Variants in NPC1 observed in about 807,000 individuals in gnomAD.
NPC1 encodes the protein NPC intracellular cholesterol transporter 1.
A neutral mutation model predicts 140.4 loss-of-function variants in NPC1; 85 were observed. That is an observed-to-expected ratio of 0.61 (90% confidence interval 0.51 to 0.72). The LOEUF (loss-of-function observed/expected upper bound fraction) is 0.72, where lower values mean the gene tolerates loss of function less well. Among genes scored for constraint, NPC1 ranks in the 30% least tolerant of loss-of-function variants. The probability of loss-of-function intolerance (pLI) is 0.00; values close to 1 mark genes in which losing one functional copy is unlikely to be tolerated. For missense variants in NPC1, 1,504 were observed against 1,623.8 expected (o/e 0.93, Z 1.27); for synonymous variants, 656 against 624.8 (o/e 1.05, Z -0.74).
chr18:23,543,474 C>T lies in NPC1; in HGVS notation c.2226G>A (p.Glu742=). Reference sequence around the variant, plus strand: ...AATTACCTAAGAAAAATGCTACAGTCTCAGAAAAGGATGACAGGAACATAC... The same window carrying T: ...AATTACCTAAGAAAAATGCTACAGTTTCAGAAAAGGATGACAGGAACATAC... ...APSMFLSSFS[E]TVAFFLGALS... The change falls in exon 14 of 25, where the codon GAG becomes GAA. Residue 742 remains glutamate (E), a synonymous_variant. Coordinates refer to ENST00000269228, the MANE Select transcript of NPC1 (RefSeq NM_000271.5). 1 of 1,606,512 alleles carries T rather than the reference C, an allele frequency of 6.2e-7. No homozygotes were observed. The highest frequency in any genetic ancestry group is 8.5e-7 in the Non-Finnish European group (1 of 1,173,854).
intron 6 of NPC1, among the ~76,000 whole-genome samples, 191 bp downstream of exon 6, chr18:23,560,040 G>C (rs1185366827): frequency 6.6e-6 from 1 of 152,098 alleles, no homozygotes; most frequent in Non-Finnish European, 1.5e-5. Context: ...ATTCATTTCA[G>C]ATGTTGCAGT....
At chr18:23,520,558 C>A (rs568199017), downstream of NPC1, among the ~76,000 whole-genome samples, 1 of 152,318 alleles carries the variant, frequency 6.6e-6, no homozygotes, top group Admixed American at 6.5e-5. Flanking sequence ...CTCCTGGGTT[C>A]AAGTGATTAT....
In NPC1 at chr18:23,534,381, C is replaced by T. The variant is rs1437473120; in HGVS notation, c.3591+65G>A. On this transcript the variant is annotated intron_variant, in intron 23 of 24. Coordinates refer to ENST00000269228, the MANE Select transcript of NPC1 (RefSeq NM_000271.5). Reference sequence around the variant, plus strand: ...TTGTAAGTACAGGATCCAGACTCTTCAGTCACTGAGGAGGATTACTTTGTG... The same window carrying T: ...TTGTAAGTACAGGATCCAGACTCTTTAGTCACTGAGGAGGATTACTTTGTG... 4.6e-6 allele frequency: 5 copies of T among 1,086,460 alleles called. No homozygotes were observed. The East Asian group carries it at 7.1e-5, about 15-fold the overall frequency. 67.3% of individuals were successfully genotyped at this position (1,086,460 alleles called of 1,614,324 possible).
At chr18:23,530,731 C>T (rs2058469958), downstream of NPC1, 1 of 863,790 alleles carries the variant, frequency 1.2e-6, no homozygotes, top group Non-Finnish European at 1.8e-6. Flanking sequence ...AATTTGATAA[C>T]AGCCCACCTA....
At chr18:23,519,726 C>T (rs777130664), downstream of NPC1, among the ~76,000 whole-genome samples, 2 of 152,204 alleles carry the variant, frequency 1.3e-5, no homozygotes, top group Non-Finnish European at 2.9e-5. Context: ...GGAATCCGCT[C>T]CATTCCACGA....
At chr18:23,565,610 T>C (rs1281421905) in intron 4 of NPC1, among the ~76,000 whole-genome samples, 1 of 152,234 alleles carries the variant, frequency 6.6e-6, no homozygotes, top group Non-Finnish European at 1.5e-5. Flanking sequence ...TGCCTCGGCC[T>C]TCCAAAGTGC....
At chr18:23,555,830 C>G (rs1287529234) in intron 8 of NPC1, among the ~76,000 whole-genome samples, 2 of 152,152 alleles carry the variant, frequency 1.3e-5, no homozygotes, top group Admixed American at 1.3e-4. Context: ...CCTTCCTCAG[C>G]CCCCAGGACA....
At chr18:23,581,828 T>C (rs1332891265) in intron 1 of NPC1, among the ~76,000 whole-genome samples, 1 of 152,202 alleles carries the variant, frequency 6.6e-6, no homozygotes, top group Non-Finnish European at 1.5e-5. Flanking sequence ...AGCTCAAAAA[T>C]GGACTCTCCA....
rs67449348 is a variant in NPC1 at position 23,516,727 on chromosome 18, C to T, written c.432-10085G>A. ...TATCTTTGTTTTAGAATTTCTTCTT[C>T]TTTTTTTTTTTTTTTCGAGACAGAG... On this transcript the variant is annotated intron_variant, in intron 3 of 3. Coordinates refer to the NPC1 transcript ENST00000591107. Among the ~76,000 whole-genome samples, 172 of 73,896 alleles carry T rather than the reference C, an allele frequency of 2.3e-3. 1 individual carries two copies. The highest frequency in any genetic ancestry group is 5.0e-3 in the Middle Eastern group (1 of 202). 48.5% of individuals were successfully genotyped at this position (73,896 alleles called of 152,430 possible). A position where few individuals can be genotyped will look rare whatever the true frequency, so the allele number is the denominator to read the frequency against.
downstream of NPC1, chr18:23,528,239 T>G (rs560768126): frequency 5.4e-6 from 1 of 183,794 alleles, no homozygotes; most frequent in South Asian, 1.4e-4. Context: ...TTTTCTGTTA[T>G]GCCAGAGTGA....
In NPC1 at chr18:23,540,429, A is replaced by G. The variant is rs1299547716; in HGVS notation, c.2604+19T>C. 3 of 1,489,166 alleles carry G rather than the reference A, an allele frequency of 2.0e-6. No homozygotes were observed. The highest frequency in any genetic ancestry group is 9.3e-7 in the Non-Finnish European group (1 of 1,081,062). The allele number at this position is 1,489,166 out of a possible 1,614,324, so 92.2% of individuals were successfully genotyped here. A position where few individuals can be genotyped will look rare whatever the true frequency, so the allele number is the denominator to read the frequency against. ...CAGCTAAAGAAGTTAAAAAAAAAAA[A>G]AAAAGGAAGTCATCTTACATCTGGC... On this transcript the variant is annotated intron_variant, in intron 17 of 24. Coordinates refer to ENST00000269228, the MANE Select transcript of NPC1 (RefSeq NM_000271.5).
intron 3 of NPC1, chr18:23,509,123 G>T (rs901232558): frequency 7.2e-5 from 37 of 514,384 alleles, no homozygotes; most frequent in Non-Finnish European, 1.1e-4. Context: ...CAGAGTTTGT[G>T]AAGCTTTTGA....
intron 8 of NPC1, among the ~76,000 whole-genome samples, chr18:23,555,965 G>A (rs1343691094): frequency 6.6e-6 from 1 of 152,182 alleles, no homozygotes; most frequent in Non-Finnish European, 1.5e-5. Context: ...AAACGCCACT[G>A]AAGTCTTCTT....
At chr18:23,561,123 T>TG (rs1015641171) in intron 5 of NPC1, among the ~76,000 whole-genome samples, 1 of 152,196 alleles carries the variant, frequency 6.6e-6, no homozygotes. Context: ...GCAATCCTCC[T>TG]GCCTCAGCCT....
At chr18:23,506,221 C>T (rs1303231788) in exon 4 of NPC1, 1 of 151,264 alleles carries the variant, frequency 6.6e-6, no homozygotes, top group Non-Finnish European at 1.5e-5. Flanking sequence ...ATAGTTGACA[C>T]ATAATAAACT....
intron 10 of NPC1, among the ~76,000 whole-genome samples, chr18:23,549,885 G>A (rs1271421998): frequency 6.6e-6 from 1 of 151,864 alleles, no homozygotes; most frequent in African/African-American, 2.4e-5. Context: ...GGGACTACAG[G>A]CACACACCAC....
At chr18:23,532,595 C>CA (rs1352931673) in intron 24 of NPC1, among the ~76,000 whole-genome samples, 4 of 152,052 alleles carry the variant, frequency 2.6e-5, no homozygotes, top group Non-Finnish European at 4.4e-5. Flanking sequence ...CACACCACTT[C>CA]ACCTGGCTAA....
intron 14 of NPC1, 35 bp from the exon 15 acceptor site, chr18:23,541,468 T>C (rs2058713127): frequency 6.2e-7 from 1 of 1,613,938 alleles, no homozygotes; most frequent in African/African-American, 1.3e-5. Context: ...GTCACTTCTG[T>C]TTACAGCCGG....
At chr18:23,525,886 GC>G (rs2058285189), downstream of NPC1, among the ~76,000 whole-genome samples, 1 of 152,196 alleles carries the variant, frequency 6.6e-6, no homozygotes, top group Non-Finnish European at 1.5e-5. Flanking sequence ...GAGAGAATTA[GC>G]CCTGATGCTG....
Sources: allele counts gnomAD v4.1 joint callset (sites outside exome capture counted in the v4.1 genomes callset), GRCh38; gene constraint gnomAD v4.1.1; transcripts MANE v1.5; gene names NCBI Gene and HGNC (gene_info 2026-07-23, HGNC 2026-07-21).